The following AACS variants were observed in gnomAD, a reference collection of about 807,000 sequenced individuals.
AACS encodes the protein acetoacetyl-CoA synthetase.
In AACS, 69 loss-of-function variants were observed where a neutral mutation model predicts 83.1. That is an observed-to-expected ratio of 0.83 (90% CI 0.68 to 1.01). The LOEUF (loss-of-function observed/expected upper bound fraction) is 1.01. Among genes scored for constraint, AACS ranks in the 50% least tolerant of loss-of-function variants. AACS has a pLI of 0.00. For synonymous variants in AACS, 333 were observed against 343.4 expected, an observed-to-expected ratio of 0.97 and a Z score of 0.33; for missense variants, 866 against 882.2, an observed-to-expected ratio of 0.98 and a Z score of 0.23.
chr12:125,118,827 A>G (rs934876020), intron 10 of AACS, 62 bp downstream of exon 10: 2 of 1,597,154 alleles, frequency 1.3e-6, no homozygotes, highest in East Asian at 2.2e-5. Flanking sequence ...GCTCCTTGGG[A>G]TCAGATGCAG....
At chr12:125,098,382 G>C (rs545115070) in intron 5 of AACS, among the ~76,000 whole-genome samples, 48 of 149,870 alleles carry the variant, frequency 3.2e-4, no homozygotes, top group African/African-American at 1.2e-3. Context: ...TGACAGGGCA[G>C]AACCCTGTCT....
At chr12:125,073,813 C>A in intron 1 of AACS, 63 bp from the exon 2 acceptor site, 1 of 1,345,628 alleles carries the variant, frequency 7.4e-7, no homozygotes, top group Non-Finnish European at 1.1e-6. Context: ...GAGGTGTGTC[C>A]ATCTTATTAA....
chr12:125,073,104 A>T (rs1371447158), intron 1 of AACS, among the ~76,000 whole-genome samples: 2 of 151,058 alleles, frequency 1.3e-5, no homozygotes, highest in East Asian at 3.9e-4. Flanking sequence ...TTTTTTTTGT[A>T]TTTTTAGTAG....
intron 1 of AACS, among the ~76,000 whole-genome samples, chr12:125,067,980 A>G (rs1472172356): frequency 6.6e-6 from 1 of 152,162 alleles, no homozygotes; most frequent in Non-Finnish European, 1.5e-5. Flanking sequence ...GTGACAGGAG[A>G]TGGTCAAGCC....
intron 5 of AACS, chr12:125,102,472 A>G (rs936104089): frequency 4.5e-6 from 2 of 446,758 alleles, no homozygotes; most frequent in Non-Finnish European, 8.2e-6. Flanking sequence ...GGTTTTTGCC[A>G]TTTTTTTTTT....
At chr12:125,075,330 C>T (rs560034265) in intron 2 of AACS, among the ~76,000 whole-genome samples, 3 of 150,962 alleles carry the variant, frequency 2.0e-5, no homozygotes, top group Admixed American at 6.6e-5. Flanking sequence ...GACCGAGTCT[C>T]GCTTTTGTCA....
intron 3 of AACS, among the ~76,000 whole-genome samples, chr12:125,078,565 A>G (rs1956087324): frequency 6.6e-6 from 1 of 152,148 alleles, no homozygotes; most frequent in Non-Finnish European, 1.5e-5. Context: ...TCACGCCTGT[A>G]ATCCCAGCAC....
intron 1 of AACS, among the ~76,000 whole-genome samples, chr12:125,069,029 A>G (rs1299418736): frequency 6.6e-6 from 1 of 151,962 alleles, no homozygotes. Flanking sequence ...TTTAGTAGAC[A>G]CGGGGGTTTC....
rs185971123 is a variant in AACS, at chr12:125,099,170, C to A, written c.571-3509C>A. On this transcript the variant is annotated intron_variant, in intron 5 of 17. Transcript: ENST00000316519. ...CTTCCAAGATAATCATGCGATTTCC[C>A]CCTCTGTTAGCCTGTTGCTGTAGTC... Among the ~76,000 whole-genome samples, 5 of 152,316 alleles carry A rather than the reference C, an allele frequency of 3.3e-5. No homozygotes were observed. The East Asian group carries it at 9.6e-4, about 29-fold the overall frequency.
At chr12:125,099,197 A>G (rs1228665266) in intron 5 of AACS, among the ~76,000 whole-genome samples, 1 of 152,194 alleles carries the variant, frequency 6.6e-6, no homozygotes, top group African/African-American at 2.4e-5. Flanking sequence ...GCTGTAGTCG[A>G]TAACATTGGT....
chr12:125,116,550 A>G (rs1592990786), intron 9 of AACS, among the ~76,000 whole-genome samples: 1 of 151,278 alleles, frequency 6.6e-6, no homozygotes, highest in Non-Finnish European at 1.5e-5. Flanking sequence ...TGCAAGCTCC[A>G]CCTCCCAGGT....
chr12:125,081,654 A>G (rs1956188407), intron 3 of AACS, among the ~76,000 whole-genome samples: 1 of 152,216 alleles, frequency 6.6e-6, no homozygotes, highest in Non-Finnish European at 1.5e-5. Context: ...GAGTAGAGCA[A>G]ACAACATGCA....
chr12:125,073,335 C>T (rs1444042370), intron 1 of AACS, among the ~76,000 whole-genome samples: 1 of 152,170 alleles, frequency 6.6e-6, no homozygotes, highest in Admixed American at 6.5e-5. Context: ...CTTGAGAAGT[C>T]ATCAACAGAC....
chr12:125,142,044 C>T (rs556829383), intron 17 of AACS, 48 bp from the exon 18 acceptor site: 2 of 1,608,392 alleles, frequency 1.2e-6, no homozygotes, highest in Non-Finnish European at 1.7e-6. Flanking sequence ...TGCGGATTTT[C>T]CCCCCTTCAG....
chr12:125,071,129 G>A (rs746963071), intron 1 of AACS, among the ~76,000 whole-genome samples: 2 of 152,236 alleles, frequency 1.3e-5, no homozygotes, highest in Non-Finnish European at 2.9e-5. Context: ...CGGTAAGTTA[G>A]TGCTGGTGGT....
rs771583365 is a variant in AACS, at chr12:125,136,725, A to G, written c.1742A>G (p.Glu581Gly). Residue 581 changes from glutamate (E) to glycine (G), a missense_variant, in exon 17 of 18, where the codon GAG becomes GGG. Physicochemically the swap from Glu to Gly is moderately conservative, Grantham distance 98. Coordinates refer to ENST00000316519, the MANE Select transcript of AACS (RefSeq NM_023928.5). ...CCCCAGTATAACAAGTACAGGGAGG[A>G]GAGGGTGATCCTCTTCCTGAAGATG... ...CVPQYNKYRE[E>G]RVILFLKMAS... 1.2e-6 allele frequency: 2 copies of G among 1,614,066 alleles called. No homozygotes were observed. The highest frequency in any genetic ancestry group is 2.2e-5 in the South Asian group (2 of 91,064).
At chr12:125,078,255 C>T in intron 3 of AACS, 1 of 456,256 alleles carries the variant, frequency 2.2e-6, no homozygotes, top group South Asian at 1.5e-5. Context: ...TACTGGGACA[C>T]ATCTTCCGGG....
In AACS at chr12:125,111,966, G is replaced by A. The variant is rs189499915; in HGVS notation, c.916-2511G>A. Among the ~76,000 whole-genome samples, 233 of 152,322 alleles carry A rather than the reference G, an allele frequency of 1.5e-3. 1 individual carries two copies. The highest frequency in any genetic ancestry group is 5.3e-3 in the African/African-American group (222 of 41,578). ...GAATGAGGCTAATGAACCACTGAAC[G>A]AAGGTGGGCTCCTATCTCTGCTGTG... On this transcript the variant is annotated intron_variant, in intron 8 of 17. Transcript: ENST00000316519.
rs1332313903 is a variant in AACS, at chr12:125,094,457, G to T, written c.570+2934G>T. 6.6e-6 allele frequency among the ~76,000 whole-genome samples: 1 copy of T among 152,208 alleles called. No homozygotes were observed. Among genetic ancestry groups the T allele is most frequent in the African/African-American group, 2.4e-5 (1 of 41,444 alleles). On this transcript the variant is annotated intron_variant, in intron 5 of 17. Coordinates refer to ENST00000316519, the MANE Select transcript of AACS (RefSeq NM_023928.5). This position sits in a 1 kb window ranked among gnomAD's most constrained non-coding sequence, Gnocchi z 4.1. ...ATGGAGTCGCACCGTTGGACTCGTG[G>T]GTTCACACGCCTGTCCACTGAGAGC...
Sources: gnomAD v4.1 joint callset for allele counts (sites outside exome capture counted in the v4.1 genomes callset) on GRCh38, gnomAD v4.1.1 for gene constraint, Gnocchi (gnomAD v3.1) non-coding constraint, MANE v1.5 for transcripts, NCBI Gene and HGNC (gene_info 2026-07-23, HGNC 2026-07-21) for gene names.